The following TGFBRAP1 variants were observed in gnomAD, a reference collection of about 807,000 sequenced individuals.
TGFBRAP1 encodes transforming growth factor-beta receptor-associated protein 1.
In TGFBRAP1, 20 loss-of-function variants were observed where a neutral mutation model predicts 83.2. The ratio of observed to expected loss-of-function variants is 0.24; its 90% CI spans 0.17 to 0.35. The LOEUF (loss-of-function observed/expected upper bound fraction) is 0.35. TGFBRAP1 is among the 10% of genes least tolerant of loss of function. The pLI, the probability that TGFBRAP1 is intolerant of heterozygous loss-of-function variation, is 1.00. For missense variants in TGFBRAP1, 950 were observed against 1,099.4 expected (o/e 0.86, Z 1.92); for synonymous variants, 415 against 459.8 (o/e 0.90, Z 1.25).
chr2:105,304,500 C>T (rs2576753), intron 2 of TGFBRAP1, among the ~76,000 whole-genome samples: 137,278 of 152,332 alleles, frequency 0.9, 61,998 homozygotes, highest in East Asian at 0.96. Flanking sequence ...TGCATATTAC[C>T]GGCTGGGCAC....
At position 105,301,786 on chromosome 2, in the gene TGFBRAP1, G is replaced by A. The variant is rs184840098; in HGVS notation, c.689-3081C>T. Among the ~76,000 whole-genome samples, 3 of 152,104 alleles carry A rather than the reference G, an allele frequency of 2.0e-5. No homozygotes were observed. In the East Asian group the frequency reaches 5.8e-4, roughly 29 times the overall value. On this transcript the variant is annotated intron_variant, in intron 2 of 11. Coordinates refer to ENST00000393359, the MANE Select transcript of TGFBRAP1 (RefSeq NM_004257.6). ...TGTGTTGCACAGGCTGGAGTGTAGT[G>A]CCTAGTCACAGGCACAATTACAGAG...
intron 8 of TGFBRAP1, among the ~76,000 whole-genome samples, chr2:105,274,767 A>G (rs1677280224): frequency 6.6e-6 from 1 of 152,244 alleles, no homozygotes; most frequent in African/African-American, 2.4e-5. Context: ...CACGGAGGAT[A>G]TGAGAATATA....
At chr2:105,258,418 C>T in the TGFBRAP1 span, among the ~76,000 whole-genome samples, 1 of 152,048 alleles carries the variant, frequency 6.6e-6, no homozygotes, top group Non-Finnish European at 1.5e-5. Context: ...TGGGCATCAT[C>T]CAATCCACTG....
rs974801503 is a variant in TGFBRAP1 at position 105,269,647 on chromosome 2, G to A, written c.2031C>T (p.Gly677=). 1.3e-5 allele frequency: 21 copies of A among 1,591,158 alleles called. No individual in the cohort carries two copies. The highest frequency in any genetic ancestry group is 6.8e-5 in the South Asian group (6 of 88,864). ...GGATATGCAGCGCCTTCTCATGCTC[G>A]CCCAGCTTCCCGTGCAGGATGGCGC... is the stretch of plus-strand genomic sequence containing the variant. ...MESAILHGKL[G]EHEKALHILV... is the part of the protein sequence containing the mutation. The change falls in exon 11 of 12, where the codon GGC becomes GGT. Residue 677 remains glycine (G), a synonymous_variant. Transcript: ENST00000393359. This position sits in a 1 kb window ranked among gnomAD's most constrained non-coding sequence, Gnocchi z 4.1.
At chr2:105,302,360 C>T (rs936328341) in intron 2 of TGFBRAP1, among the ~76,000 whole-genome samples, 2 of 152,114 alleles carry the variant, frequency 1.3e-5, no homozygotes, top group Non-Finnish European at 2.9e-5. Flanking sequence ...ACACTGAAAA[C>T]ACACACACAT....
In TGFBRAP1 at chr2:105,288,947, G is replaced by GA. The variant is rs1209081492; in HGVS notation, c.1039-4550dup. 3.9e-5 allele frequency among the ~76,000 whole-genome samples: 6 copies of GA among 152,238 alleles called. No homozygotes were observed. The East Asian group carries it at 9.6e-4, about 24-fold the overall frequency. On this transcript the variant is annotated intron_variant, in intron 4 of 11. Transcript: ENST00000393359. ...TAAGTGTTAGAATATTAGAGGCTCT[G>GA]AAAAAACCTTCAATTAAGAAGCCCA... is the stretch of plus-strand genomic sequence containing the variant.
chr2:105,273,759 C>A, intron 8 of TGFBRAP1, 69 bp from the exon 9 acceptor site: 1 of 1,557,692 alleles, frequency 6.4e-7, no homozygotes. Context: ...TTATTTTGGT[C>A]ATTGCACATT....
intron 7 of TGFBRAP1, among the ~76,000 whole-genome samples, chr2:105,276,388 C>T (rs931978035): frequency 1.2e-4 from 19 of 152,234 alleles, no homozygotes; most frequent in Non-Finnish European, 1.8e-4. Flanking sequence ...CATGGCGTGC[C>T]TCACCCACCC....
At chr2:105,272,790 TG>T in intron 10 of TGFBRAP1, 64 bp downstream of exon 10, 1 of 1,589,382 alleles carries the variant, frequency 6.3e-7, no homozygotes, top group Non-Finnish European at 8.5e-7. Flanking sequence ...CCCTTCTCTC[TG>T]CTTCCTCCCA....
At chr2:105,291,171 G>A (rs1218236945) in intron 4 of TGFBRAP1, among the ~76,000 whole-genome samples, 1 of 151,654 alleles carries the variant, frequency 6.6e-6, no homozygotes, top group Non-Finnish European at 1.5e-5. Context: ...AGGATTACAT[G>A]AGGTCATGAG....
In TGFBRAP1 at chr2:105,311,162, C is replaced by A. The variant is rs74180255; in HGVS notation, c.-17-2844G>T. On this transcript the variant is annotated intron_variant, in intron 1 of 11. Coordinates refer to ENST00000393359, the MANE Select transcript of TGFBRAP1 (RefSeq NM_004257.6). Reference sequence around the variant, plus strand: ...GAGAGCTGTAAAAAAAAAAAAAAAACAAAAAACAAAAAAACATATGGTTTA... The same window carrying A: ...GAGAGCTGTAAAAAAAAAAAAAAAAAAAAAAACAAAAAAACATATGGTTTA... Among the ~76,000 whole-genome samples, 956 of 139,616 alleles carry A rather than the reference C, an allele frequency of 6.8e-3. 8 individuals carry two copies. Among genetic ancestry groups the A allele is most frequent in the African/African-American group, 0.019 (697 of 37,030 alleles). 91.6% of individuals were successfully genotyped at this position (139,616 alleles called of 152,430 possible). A position where few individuals can be genotyped will look rare whatever the true frequency, so the allele number is the denominator to read the frequency against.
At chr2:105,285,092 G>T (rs550819092) in intron 4 of TGFBRAP1, among the ~76,000 whole-genome samples, 66 of 152,292 alleles carry the variant, frequency 4.3e-4, no homozygotes, top group African/African-American at 1.6e-3. Flanking sequence ...TCCTCGTCTT[G>T]CCATTGTCTA....
chr2:105,298,091 C>T (rs1678143743), intron 3 of TGFBRAP1, among the ~76,000 whole-genome samples: 1 of 152,152 alleles, frequency 6.6e-6, no homozygotes, highest in South Asian at 2.1e-4. Flanking sequence ...TCACAGTGAG[C>T]TGCTTGAGTG....
the TGFBRAP1 span, among the ~76,000 whole-genome samples, chr2:105,258,878 G>A: frequency 1.3e-5 from 2 of 152,194 alleles, no homozygotes; most frequent in African/African-American, 4.8e-5. Context: ...GACCTTCCCT[G>A]TCGGTTGCTG....
rs371019252 is a variant in TGFBRAP1, at chr2:105,272,922, G to A, written c.1905C>T (p.Thr635=). Residue 635 remains threonine, a synonymous_variant, in exon 10 of 12, where the codon ACC becomes ACT. Transcript: ENST00000393359. ...ASASGKGAEA[T]ETQAKLRRLL... ...GCCGCCGCAGCTTGGCCTGCGTCTC[G>A]GTGGCCTCTGCACCCTTGCCACTGG... is the stretch of plus-strand genomic sequence containing the variant. 2.3e-5 allele frequency: 37 copies of A among 1,610,738 alleles called. 1 individual carries two copies. The highest frequency in any genetic ancestry group is 1.9e-4 in the African/African-American group (14 of 74,824).
intron 1 of TGFBRAP1, among the ~76,000 whole-genome samples, chr2:105,323,957 A>T (rs2104422887): frequency 6.6e-6 from 1 of 152,260 alleles, no homozygotes; most frequent in East Asian, 2.0e-4. Flanking sequence ...AAACTGAGGG[A>T]TGGTCTACAA....
chr2:105,314,343 C>A (rs1201801799), intron 1 of TGFBRAP1, among the ~76,000 whole-genome samples: 1 of 150,374 alleles, frequency 6.7e-6, no homozygotes, highest in African/African-American at 2.5e-5. Context: ...CTCCACCTCC[C>A]GGGTTCACGC....
At chr2:105,324,593 C>T (rs1679169306) in intron 1 of TGFBRAP1, among the ~76,000 whole-genome samples, 2 of 152,162 alleles carry the variant, frequency 1.3e-5, no homozygotes, top group South Asian at 4.1e-4. Context: ...ATGAATAATA[C>T]CCATAAGTTA....
intron 2 of TGFBRAP1, among the ~76,000 whole-genome samples, chr2:105,306,450 G>A (rs1211771502): frequency 6.6e-6 from 1 of 152,140 alleles, no homozygotes; most frequent in Non-Finnish European, 1.5e-5. Flanking sequence ...TGGGAGGGAA[G>A]AGCCCCTGAG....
Sources: allele counts gnomAD v4.1 joint callset (sites outside exome capture counted in the v4.1 genomes callset), GRCh38; gene constraint gnomAD v4.1.1; non-coding constraint Gnocchi (gnomAD v3.1); transcripts MANE v1.5; gene names NCBI Gene and HGNC (gene_info 2026-07-23, HGNC 2026-07-21).